ARHGAP6: variants seen among roughly 807,000 people sequenced by gnomAD.
The protein encoded by ARHGAP6 is Rho GTPase activating protein 6.
ARHGAP6 carries 16 observed loss-of-function variants against 55.7 expected under a neutral mutation model. The observed-to-expected ratio is 0.29, with a 90% CI of 0.19 to 0.44. ARHGAP6 has a LOEUF of 0.44. Among genes scored for constraint, ARHGAP6 ranks in the 20% least tolerant of loss-of-function variants. The pLI, the probability that ARHGAP6 is intolerant of heterozygous loss-of-function variation, is 1.00. For missense variants in ARHGAP6, 698 were observed against 808.9 expected, an observed-to-expected ratio of 0.86 and a Z score of 1.66; for synonymous variants, 382 against 360.9, an observed-to-expected ratio of 1.06 and a Z score of -0.66.
chrX:11,318,468 C>T (rs1482053576), intron 1 of ARHGAP6: 1 of 111,479 alleles, frequency 9.0e-6, no homozygotes, highest in East Asian at 2.8e-4. Flanking sequence ...ATATTTTTTG[C>T]ATATTGAAAT....
rs1227866032 is a variant in ARHGAP6, at chrX:11,538,844, GTGTGGT to G, written c.588+125391_588+125396del. 1.6e-3 allele frequency among the ~76,000 whole-genome samples: 156 copies of G among 95,406 alleles called. 1 individual carries two copies. The highest frequency in any genetic ancestry group is 4.9e-3 in the African/African-American group (122 of 25,133). 82.8% of individuals were successfully genotyped at this position (95,406 alleles called of 115,157 possible). A position where few individuals can be genotyped will look rare whatever the true frequency, so the allele number is the denominator to read the frequency against. ...TGGGGACCACTGTGTGTGTGTGTGT[GTGTGGT>G]TTTTTTTTTTTTTTTTGAGACAGGG... On this transcript the variant is annotated intron_variant, in intron 1 of 12. Transcript: ENST00000337414.
chrX:11,458,340 G>T (rs2050213008), intron 1 of ARHGAP6, among the ~76,000 whole-genome samples: 1 of 112,211 alleles, frequency 8.9e-6, no homozygotes, highest in African/African-American at 3.2e-5. Flanking sequence ...ACTTTCAAAA[G>T]CAGCAGGGCA....
intron 1 of ARHGAP6, among the ~76,000 whole-genome samples, chrX:11,330,890 C>T (rs971442615): frequency 8.9e-6 from 1 of 111,790 alleles, no homozygotes; most frequent in Non-Finnish European, 1.9e-5. Flanking sequence ...TAGAATAGTG[C>T]CTGGCACATG....
At chrX:11,568,897 A>G (rs1468850867) in intron 1 of ARHGAP6, among the ~76,000 whole-genome samples, 1 of 112,340 alleles carries the variant, frequency 8.9e-6, no homozygotes, top group Non-Finnish European at 1.9e-5. Context: ...ATACAGAAGG[A>G]GTAACAAAAA....
Position 11,581,001 on chromosome X carries a change from C to T in ARHGAP6, c.588+83240G>A, listed in dbSNP as rs188633407. ...AAGTGAAGCAGAGACTGCTTTTTAA[C>T]AAAGTCCCCAGGGATTTGTGTGCAA... On this transcript the variant is annotated intron_variant, in intron 1 of 12. Transcript: ENST00000337414. Among the ~76,000 whole-genome samples the T allele has an allele frequency of 7.1e-5, 8 of 112,462 alleles. 1 individual carries two copies. The highest frequency in any genetic ancestry group is 7.3e-4 in the South Asian group (2 of 2,723).
At position 11,330,374 on chromosome X, in the gene ARHGAP6, G is replaced by A. The variant is rs963564772; in HGVS notation, c.589-75667C>T. The stretch of plus-strand genomic sequence containing the variant: ...CAGCTCGATTTAATCATTCCACATT[G>A]TATTCAAAATTCATAACATCACTTT... On this transcript the variant is annotated intron_variant, in intron 1 of 12. Coordinates refer to ENST00000337414, the MANE Select transcript of ARHGAP6 (RefSeq NM_013427.3). Among the ~76,000 whole-genome samples, 3 of 111,980 alleles carry A rather than the reference G, an allele frequency of 2.7e-5. No homozygotes were observed. The Admixed American group carries it at 2.8e-4, about 11-fold the overall frequency.
rs913812571 is a variant in ARHGAP6, at chrX:11,515,735, T to C, written c.588+148506A>G. 2.7e-5 allele frequency among the ~76,000 whole-genome samples: 3 copies of C among 112,623 alleles called. No individual in the cohort carries two copies. The Admixed American group carries it at 2.8e-4, about 11-fold the overall frequency. ...TTATTACAAAATGATTCATACAAAT[T>C]AGTAATGAAAGAAATGTCCTTTTCA... On this transcript the variant is annotated intron_variant, in intron 1 of 12. Coordinates refer to ENST00000337414, the MANE Select transcript of ARHGAP6 (RefSeq NM_013427.3).
At position 11,503,943 on chromosome X, in the gene ARHGAP6, A is replaced by G. The variant is rs149720256; in HGVS notation, c.588+160298T>C. ...CAAAACCGTGGTTGAAAAATTATCT[A>G]TTTTCTTATACAATGTCCCACATAT... On this transcript the variant is annotated intron_variant, in intron 1 of 12. Coordinates refer to ENST00000337414, the MANE Select transcript of ARHGAP6 (RefSeq NM_013427.3). 1.9e-3 allele frequency among the ~76,000 whole-genome samples: 216 copies of G among 111,009 alleles called. 3 individuals carry two copies. The highest frequency in any genetic ancestry group is 0.014 in the East Asian group (48 of 3,552).
intron 1 of ARHGAP6, among the ~76,000 whole-genome samples, chrX:11,653,523 C>T (rs1171510156): frequency 8.9e-6 from 1 of 112,560 alleles, no homozygotes; most frequent in Non-Finnish European, 1.9e-5. Flanking sequence ...AATTCTTTAG[C>T]TTAGGTCTTA....
intron 1 of ARHGAP6, among the ~76,000 whole-genome samples, chrX:11,423,549 G>A (rs2049848188): frequency 8.9e-6 from 1 of 112,112 alleles, no homozygotes; most frequent in African/African-American, 3.2e-5. Flanking sequence ...AGTGACATCA[G>A]CAGCAGAGGA....
rs749551673 is a variant in ARHGAP6 at position 11,535,423 on chromosome X, C to A, written c.588+128818G>T. 7.5e-4 allele frequency among the ~76,000 whole-genome samples: 84 copies of A among 112,131 alleles called. 2 individuals are homozygous for A. Among genetic ancestry groups the A allele is most frequent in the South Asian group, 1.5e-3 (4 of 2,691 alleles). The stretch of plus-strand genomic sequence containing the variant: ...TGATGTTCTGCAAGCCATATGGACT[C>A]AACCAACATCTACTGAAGAGCGCTT... On this transcript the variant is annotated intron_variant, in intron 1 of 12. Transcript: ENST00000337414.
chrX:11,400,445 G>GAA (rs1203749588), intron 1 of ARHGAP6, among the ~76,000 whole-genome samples: 1 of 104,668 alleles, frequency 9.6e-6, no homozygotes, highest in African/African-American at 3.5e-5. Flanking sequence ...TTCCAGTCAT[G>GAA]AAAAAAAAAA....
At chrX:11,226,655 G>A (rs78055857) in intron 2 of ARHGAP6, among the ~76,000 whole-genome samples, 13 of 111,812 alleles carry the variant, frequency 1.2e-4, no homozygotes, top group African/African-American at 1.9e-4. Context: ...GGAGATCAGC[G>A]ACAGATCTTT....
In ARHGAP6 at chrX:11,647,764, G is replaced by A. The variant is rs922063869; in HGVS notation, c.588+16477C>T. Among the ~76,000 whole-genome samples, 6 of 112,195 alleles carry A rather than the reference G, an allele frequency of 5.3e-5. No individual in the cohort carries two copies. The Admixed American group carries it at 5.7e-4, about 11-fold the overall frequency. On this transcript the variant is annotated intron_variant, in intron 1 of 12. Coordinates refer to ENST00000337414, the MANE Select transcript of ARHGAP6 (RefSeq NM_013427.3). ...CTAACATAGATAAACAGTGACACTT[G>A]GTGTTCAAATGATGTTTTATGTATT...
intron 1 of ARHGAP6, among the ~76,000 whole-genome samples, chrX:11,594,117 G>C (rs981357340): frequency 8.1e-5 from 9 of 111,016 alleles, no homozygotes; most frequent in Admixed American, 2.9e-4. Flanking sequence ...GATATCCCAG[G>C]CCCATTCCCC....
chrX:11,470,546 G>A (rs1349491070), intron 1 of ARHGAP6, among the ~76,000 whole-genome samples: 3 of 112,597 alleles, frequency 2.7e-5, no homozygotes, highest in African/African-American at 9.7e-5. Flanking sequence ...TGCCATTTCA[G>A]GGTAGCTAAT....
chrX:11,438,808 A>T (rs971563947), intron 1 of ARHGAP6, among the ~76,000 whole-genome samples: 9 of 112,595 alleles, frequency 8.0e-5, no homozygotes, highest in African/African-American at 2.6e-4. Context: ...AATTCTTTTT[A>T]AAAAGGGCAG....
chrX:11,182,843 C>T (rs1409765164), intron 5 of ARHGAP6, among the ~76,000 whole-genome samples: 1 of 109,496 alleles, frequency 9.1e-6, no homozygotes, highest in Non-Finnish European at 1.9e-5. Context: ...GCCATGTTCC[C>T]AGGCTCAAGC....
chrX:11,161,932 T>A, intron 9 of ARHGAP6, among the ~76,000 whole-genome samples: 1 of 111,856 alleles, frequency 8.9e-6, no homozygotes, highest in Non-Finnish European at 1.9e-5. Flanking sequence ...GAAGTCAGAC[T>A]CTGTGTAGCC....
Sources: gnomAD v4.1 joint callset for allele counts (sites outside exome capture counted in the v4.1 genomes callset) on GRCh38, gnomAD v4.1.1 for gene constraint, MANE v1.5 for transcripts, NCBI Gene and HGNC (gene_info 2026-07-23, HGNC 2026-07-21) for gene names.